Variants in VMA21 observed in about 807,000 individuals in gnomAD.
VMA21 encodes vacuolar ATPase assembly integral membrane protein VMA21.
For missense variants in VMA21, 61 were observed against 80.6 expected (o/e 0.76, Z 0.93); for synonymous variants, 47 against 34.1 (o/e 1.38, Z -1.32).
At chrX:151,397,083 G>C (rs1303784757), upstream of VMA21, 1 of 449,857 alleles carries the variant, frequency 2.2e-6, no homozygotes, top group Admixed American at 3.5e-5. Flanking sequence ...GCCCGCCCCC[G>C]CGCCGGCAAC....
chrX:151,399,941 G>C (rs1389439012), intron 1 of VMA21, among the ~76,000 whole-genome samples: 2 of 111,078 alleles, frequency 1.8e-5, no homozygotes, highest in Non-Finnish European at 3.8e-5. Flanking sequence ...GTGTATATTT[G>C]AGGTTCATAA....
chrX:151,406,425 G>A lies in VMA21; in HGVS notation c.*1367G>A, dbSNP rs185633245. 8 of 110,896 alleles carry A rather than the reference G, an allele frequency of 7.2e-5. No homozygotes were observed. Among genetic ancestry groups the A allele is most frequent in the African/African-American group, 2.3e-4 (7 of 30,462 alleles). The allele number at this position is 110,896 out of a possible 1,213,427, so 9.1% of individuals were successfully genotyped here. ...AGAGTTTTGCTCTGTTGCCCAGGCT[G>A]GAGTGCAGTGGTGCAATCTCGGCTC... On this transcript the variant is annotated 3_prime_UTR_variant, in exon 3 of 3. Transcript: ENST00000330374.
rs1228862428 is a variant in VMA21 at position 151,397,302 on chromosome X, C to G, written c.-7C>G. 3.4e-6 allele frequency: 4 copies of G among 1,160,849 alleles called. No individual in the cohort carries two copies. In the South Asian group the frequency reaches 5.7e-5, roughly 17 times the overall value. ...CCGCCGAGCGCCTGTGCCGGCACGG[C>G]TACACCATGGAGCGCCCGGATAAGG... On this transcript the variant is annotated 5_prime_UTR_variant, in exon 1 of 3. Transcript: ENST00000330374.
Position 151,397,250 on chromosome X carries a change from T to G in VMA21, c.-59T>G. 8.8e-7 allele frequency: 1 copy of G among 1,131,583 alleles called. No individual in the cohort carries two copies. The allele number at this position is 1,131,583 out of a possible 1,213,427, so 93.3% of individuals were successfully genotyped here. On this transcript the variant is annotated 5_prime_UTR_variant, in exon 1 of 3. Transcript: ENST00000330374. ...TCGGCCGTTCCCTCGCGGAGCTTAC[T>G]GAGCGCGGCCGCCGAGCCCAGCTCC... is the stretch of plus-strand genomic sequence containing the variant.
chrX:151,403,844 GT>G, intron 2 of VMA21, 104 bp downstream of exon 2: 1 of 586,119 alleles, frequency 1.7e-6, no homozygotes, highest in Non-Finnish European at 2.8e-6. Context: ...TTTTTTTCTT[GT>G]TTAGCTTTTC....
upstream of VMA21, chrX:151,396,981 T>C: frequency 9.6e-6 from 5 of 521,994 alleles, no homozygotes; most frequent in Non-Finnish European, 1.7e-5. Context: ...CAACGTGGAG[T>C]GGCTGGGCTA....
intron 1 of VMA21, among the ~76,000 whole-genome samples, chrX:151,397,892 G>A (rs1464466886): frequency 1.8e-5 from 2 of 111,858 alleles, no homozygotes; most frequent in East Asian, 5.6e-4. Flanking sequence ...AGGCAAGGGA[G>A]TGGTGAGGGA....
intron 1 of VMA21, 68 bp downstream of exon 1, chrX:151,397,429 G>A: frequency 1.8e-6 from 2 of 1,112,420 alleles, no homozygotes; most frequent in East Asian, 6.7e-5. Flanking sequence ...TTGAGGGAAG[G>A]CCCTAGCTGA....
intron 2 of VMA21, 83 bp downstream of exon 2, chrX:151,403,823 G>A (rs1367733930): frequency 4.4e-6 from 3 of 682,039 alleles, no homozygotes; most frequent in Non-Finnish European, 4.6e-6. Context: ...TCTTTAAACT[G>A]GGTATTCTTA....
intron 2 of VMA21, among the ~76,000 whole-genome samples, chrX:151,404,540 TCCCGAGTAGCTGGGA>T (rs1211730192): frequency 9.0e-6 from 1 of 111,304 alleles, no homozygotes; most frequent in Non-Finnish European, 1.9e-5. Context: ...TGCCTCAGCC[TCCCGAGTAGCTGGGA>T]CTACAGGCGC....
In VMA21 at chrX:151,406,277, T is replaced by G. The variant is rs2011290933; in HGVS notation, c.*1219T>G. 8.9e-6 allele frequency: 1 copy of G among 112,522 alleles called. No individual in the cohort carries two copies. 9.3% of individuals were successfully genotyped at this position (112,522 alleles called of 1,213,427 possible). A position where few individuals can be genotyped will look rare whatever the true frequency, so the allele number is the denominator to read the frequency against. ...TGCTAGTTTGATACACACTAAAAGTTTAGCTTACAAGTTCAAATTCTGCCA... is the reference window on the plus strand; with the variant it reads ...TGCTAGTTTGATACACACTAAAAGTGTAGCTTACAAGTTCAAATTCTGCCA... On this transcript the variant is annotated 3_prime_UTR_variant, in exon 3 of 3. Coordinates refer to ENST00000330374, the MANE Select transcript of VMA21 (RefSeq NM_001017980.4).
chrX:151,403,801 G>T (rs1162493250), intron 2 of VMA21, 61 bp downstream of exon 2: 29 of 865,546 alleles, frequency 3.4e-5, no homozygotes, highest in Non-Finnish European at 3.4e-5. Context: ...GTGCTTTTAT[G>T]ACCTCTTTAT....
Position 151,404,897 on chromosome X carries a change from G to A in VMA21, c.164-19G>A, listed in dbSNP as rs773306168. 4.2e-5 allele frequency: 50 copies of A among 1,195,713 alleles called. No homozygotes were observed. Among genetic ancestry groups the A allele is most frequent in the Non-Finnish European group, 5.3e-5 (47 of 888,717 alleles). ...TAAATTTTGCAATAAAATGGAAACT[G>A]TTTTTTTTCTCTTGATAGGCGCCCT... On this transcript the variant is annotated intron_variant, in intron 2 of 2. Coordinates refer to ENST00000330374, the MANE Select transcript of VMA21 (RefSeq NM_001017980.4).
upstream of VMA21, chrX:151,397,185 G>A (rs749680644): frequency 9.0e-6 from 7 of 774,771 alleles, no homozygotes; most frequent in Admixed American, 1.7e-4. Context: ...GCGCGAACGG[G>A]CACTTCCGGC....
intron 1 of VMA21, among the ~76,000 whole-genome samples, chrX:151,398,709 T>TC (rs758692222): frequency 3.5e-3 from 391 of 112,000 alleles, no homozygotes; most frequent in Middle Eastern, 0.028. Context: ...TGCAGTGAAA[T>TC]CTTGACTGTG....
At chrX:151,398,339 CCCT>C (rs2011211046) in intron 1 of VMA21, among the ~76,000 whole-genome samples, 1 of 109,852 alleles carries the variant, frequency 9.1e-6, no homozygotes, top group South Asian at 4.0e-4. Flanking sequence ...CTGATTCTCT[CCCT>C]CCTCCCAGCC....
Position 151,407,909 on chromosome X carries a change from G to A in VMA21, c.*2851G>A, listed in dbSNP as rs1204537790. 1.4e-4 allele frequency: 14 copies of A among 97,462 alleles called. No individual in the cohort carries two copies. The highest frequency in any genetic ancestry group is 5.4e-4 in the African/African-American group (14 of 25,930). The allele number at this position is 97,462 out of a possible 1,213,427, so 8.0% of individuals were successfully genotyped here. ...TTTCTTTTTTCTTTTTTTTTTTTTC[G>A]AGACGGAGTTTTGCCCTTCTTGCCC... is the stretch of plus-strand genomic sequence containing the variant. On this transcript the variant is annotated 3_prime_UTR_variant, in exon 3 of 3. Coordinates refer to ENST00000330374, the MANE Select transcript of VMA21 (RefSeq NM_001017980.4).
In VMA21 at chrX:151,407,740, T is replaced by C. The variant is rs1321207985; in HGVS notation, c.*2682T>C. 3 of 112,211 alleles carry C rather than the reference T, an allele frequency of 2.7e-5. No homozygotes were observed. The highest frequency in any genetic ancestry group is 9.7e-5 in the African/African-American group (3 of 30,800). 9.2% of individuals were successfully genotyped at this position (112,211 alleles called of 1,213,427 possible). ...TGTAGAATGTATCTGATGTCATTAG[T>C]TCTTCAAATGGATACCATTGTACAT... On this transcript the variant is annotated 3_prime_UTR_variant, in exon 3 of 3. Coordinates refer to ENST00000330374, the MANE Select transcript of VMA21 (RefSeq NM_001017980.4).
intron 1 of VMA21, among the ~76,000 whole-genome samples, chrX:151,401,448 A>C (rs1441113297): frequency 8.9e-6 from 1 of 112,140 alleles, no homozygotes; most frequent in Non-Finnish European, 1.9e-5. Context: ...TAAATCAGAA[A>C]GTGTGATGCT....
Sources: gnomAD v4.1 joint callset for allele counts (sites outside exome capture counted in the v4.1 genomes callset) on GRCh38, gnomAD v4.1.1 for gene constraint, MANE v1.5 for transcripts, NCBI Gene and HGNC (gene_info 2026-07-23, HGNC 2026-07-21) for gene names.